Variants in CCNC observed in about 807,000 individuals in gnomAD.
The protein encoded by CCNC is cyclin-C.
A neutral mutation model predicts 50.0 loss-of-function variants in CCNC; 19 were observed. That is an observed-to-expected ratio of 0.38 (90% CI 0.27 to 0.56). The LOEUF is 0.56. Among genes scored for constraint, CCNC ranks in the 20% least tolerant of loss-of-function variants. CCNC has a pLI of 0.72. For synonymous variants in CCNC, 93 were observed against 103.7 expected, an observed-to-expected ratio of 0.90 and a Z score of 0.63; for missense variants, 200 against 327.1, an observed-to-expected ratio of 0.61 and a Z score of 3.00.
upstream of CCNC, chr6:99,568,679 G>A: frequency 1.3e-6 from 2 of 1,498,216 alleles, no homozygotes; most frequent in South Asian, 2.6e-5. Context: ...GAAGAGGATG[G>A]CCCCCTAGTC....
upstream of CCNC, chr6:99,568,757 G>C: frequency 1.5e-6 from 2 of 1,363,252 alleles, no homozygotes; most frequent in Non-Finnish European, 1.9e-6. Flanking sequence ...TCCGGCCCGC[G>C]GTAGCGGAGG....
At chr6:99,563,244 G>A (rs932187692) in intron 1 of CCNC, among the ~76,000 whole-genome samples, 5 of 152,028 alleles carry the variant, frequency 3.3e-5, no homozygotes, top group Non-Finnish European at 5.9e-5. Flanking sequence ...TGATGCCTTC[G>A]TGTTTTAATT....
rs1801963488 is a variant in CCNC, at chr6:99,543,783, G to A, written c.798-174C>T. The stretch of plus-strand genomic sequence containing the variant: ...AAATCCAGAAGACTAACAAACATTG[G>A]TTTTATGTTTTTATTCTTATATAAC... On this transcript the variant is annotated intron_variant, in intron 11 of 11. Transcript: ENST00000520429. 3 of 1,408,356 alleles carry A rather than the reference G, an allele frequency of 2.1e-6. No individual in the cohort carries two copies. In the Admixed American group the frequency reaches 9.1e-5, roughly 43 times the overall value. 87.2% of individuals were successfully genotyped at this position (1,408,356 alleles called of 1,614,324 possible).
At position 99,551,898 on chromosome 6, in the gene CCNC, G is replaced by A. The variant is rs1422553067; in HGVS notation, c.347-3C>T. ...GGCATATGAAAATCTAGTTTTTACTGCAGAAAATAAAAAAAAAATTTAAAC... is the reference window on the plus strand; with the variant it reads ...GGCATATGAAAATCTAGTTTTTACTACAGAAAATAAAAAAAAAATTTAAAC... On this transcript the variant is annotated splice_polypyrimidine_tract_variant and splice_region_variant and intron_variant, in intron 5 of 11. Coordinates refer to ENST00000520429, the MANE Select transcript of CCNC (RefSeq NM_005190.4). 1 of 1,414,572 alleles carries A rather than the reference G, an allele frequency of 7.1e-7. No homozygotes were observed. The highest frequency in any genetic ancestry group is 9.5e-7 in the Non-Finnish European group (1 of 1,056,748). 87.6% of individuals were successfully genotyped at this position (1,414,572 alleles called of 1,614,324 possible).
intron 6 of CCNC, 60 bp from the exon 7 acceptor site, chr6:99,551,088 C>A: frequency 1.2e-6 from 1 of 853,754 alleles, no homozygotes; most frequent in South Asian, 3.4e-5. Flanking sequence ...GATAAGTCCA[C>A]TTAATCTAAC....
At position 99,546,396 on chromosome 6, in the gene CCNC, T is replaced by C; in HGVS notation, c.677A>G (p.Lys226Arg). 6.2e-7 allele frequency: 1 copy of C among 1,603,202 alleles called. No individual in the cohort carries two copies. Among genetic ancestry groups the C allele is most frequent in the Non-Finnish European group, 8.5e-7 (1 of 1,170,198 alleles). ...WFAELSVDME[K>R]ILEIIRVILK... ...GTTTACATACAACTAAGGGAATACC[T>C]TTTCCATATCCACAGAAAGCTCAGC... The change falls in exon 10 of 12, where the codon AAG (lysine) becomes AGG (arginine). Residue 226 changes from lysine (K) to arginine (R), a missense_variant and splice_region_variant. By Grantham distance (26) the Lys-to-Arg change is conservative. Transcript: ENST00000520429.
chr6:99,554,382 A>G (rs1293311820), intron 5 of CCNC, among the ~76,000 whole-genome samples: 3 of 152,166 alleles, frequency 2.0e-5, no homozygotes, highest in African/African-American at 7.2e-5. Context: ...CAGGAAGTTA[A>G]CATGTATAGC....
upstream of CCNC, chr6:99,568,758 G>T: frequency 2.2e-6 from 3 of 1,364,310 alleles, no homozygotes; most frequent in Non-Finnish European, 2.9e-6. Flanking sequence ...CCGGCCCGCG[G>T]TAGCGGAGGG....
Position 99,543,410 on chromosome 6 carries a change from C to T in CCNC, c.*145G>A. The T allele has an allele frequency of 2.5e-6, 2 of 796,070 alleles. No homozygotes were observed. Among genetic ancestry groups the T allele is most frequent in the Non-Finnish European group, 3.9e-6 (2 of 506,758 alleles). The allele number at this position is 796,070 out of a possible 1,614,324, so 49.3% of individuals were successfully genotyped here. A position where few individuals can be genotyped will look rare whatever the true frequency, so the allele number is the denominator to read the frequency against. On this transcript the variant is annotated 3_prime_UTR_variant, in exon 12 of 12. Coordinates refer to ENST00000520429, the MANE Select transcript of CCNC (RefSeq NM_005190.4). ...GTACTAGAATCATATTAAAGAAAAA[C>T]TTATTTTGCAAAAATAAAATCACTT...
At chr6:99,547,541 C>T (rs560698277) in intron 9 of CCNC, among the ~76,000 whole-genome samples, 13 of 152,024 alleles carry the variant, frequency 8.6e-5, no homozygotes, top group African/African-American at 2.2e-4. Context: ...AATTGGGAGA[C>T]GAATTTGGCT....
intron 4 of CCNC, among the ~76,000 whole-genome samples, chr6:99,559,683 A>G (rs577982473): frequency 6.6e-6 from 1 of 152,038 alleles, no homozygotes; most frequent in East Asian, 1.9e-4. Context: ...GCTACGACCA[A>G]ATCTGAAAGA....
chr6:99,557,463 A>C (rs1352359945), intron 5 of CCNC: 1 of 152,114 alleles, frequency 6.6e-6, no homozygotes, highest in African/African-American at 2.4e-5. Flanking sequence ...AACTCCTAGT[A>C]CCTCAGAATG....
intron 8 of CCNC, 99 bp from the exon 9 acceptor site, chr6:99,549,674 T>G: frequency 1.4e-6 from 1 of 712,916 alleles, no homozygotes; most frequent in Non-Finnish European, 2.4e-6. Flanking sequence ...TTTGCACACA[T>G]TTATTTCCTT....
intron 8 of CCNC, 66 bp from the exon 9 acceptor site, chr6:99,549,641 C>T: frequency 1.0e-6 from 1 of 962,592 alleles, no homozygotes; most frequent in Non-Finnish European, 1.6e-6. Flanking sequence ...ATATTTCCTC[C>T]AGAGAGGGCC....
In CCNC at chr6:99,549,579, T is replaced by A. The variant is rs1004448192; in HGVS notation, c.531-4A>T. ...GTAGGTATCATTCACTATCCTCCTA[T>A]AGAAATGTAAATCATATTATTACTG... On this transcript the variant is annotated splice_polypyrimidine_tract_variant and splice_region_variant and intron_variant, in intron 8 of 11. Coordinates refer to ENST00000520429, the MANE Select transcript of CCNC (RefSeq NM_005190.4). 3 of 1,570,656 alleles carry A rather than the reference T, an allele frequency of 1.9e-6. No individual in the cohort carries two copies. The highest frequency in any genetic ancestry group is 2.6e-6 in the Non-Finnish European group (3 of 1,142,244).
intron 9 of CCNC, among the ~76,000 whole-genome samples, chr6:99,548,739 G>GTTGCA (rs1004602398): frequency 2.0e-5 from 3 of 148,290 alleles, no homozygotes; most frequent in Non-Finnish European, 3.0e-5. Flanking sequence ...GGAGGCAGAG[G>GTTGCA]TTGCAGTGAG....
chr6:99,560,717 G>A (rs1387721442), intron 4 of CCNC, among the ~76,000 whole-genome samples: 4 of 152,144 alleles, frequency 2.6e-5, no homozygotes, highest in Non-Finnish European at 4.4e-5. Flanking sequence ...AGTCTCTGCC[G>A]CAAGTTCCTA....
intron 4 of CCNC, 130 bp downstream of exon 4, chr6:99,561,237 A>AT: frequency 1.4e-6 from 1 of 703,580 alleles, no homozygotes; most frequent in Non-Finnish European, 2.6e-6. Flanking sequence ...TATTTCTTTG[A>AT]TTTTGTACAA....
intron 9 of CCNC, 97 bp downstream of exon 9, chr6:99,549,411 A>AT: frequency 1.2e-6 from 1 of 807,596 alleles, no homozygotes; most frequent in East Asian, 2.6e-5. Flanking sequence ...TTCATGGAAC[A>AT]TAAAAACATA....
Sources: gnomAD v4.1 joint callset for allele counts (sites outside exome capture counted in the v4.1 genomes callset) on GRCh38, gnomAD v4.1.1 for gene constraint, MANE v1.5 for transcripts, NCBI Gene and HGNC (gene_info 2026-07-23, HGNC 2026-07-21) for gene names.